The following XYLT1 variants were observed in gnomAD, a reference collection of about 807,000 sequenced individuals.
XYLT1 encodes the protein beta-D-xylosyltransferase 1.
XYLT1 carries 36 observed loss-of-function variants against 91.3 expected under a neutral mutation model. That is an observed-to-expected ratio of 0.39 (90% CI 0.30 to 0.52). The LOEUF (loss-of-function observed/expected upper bound fraction) is 0.52, where lower values mean the gene tolerates loss of function less well. Among genes scored for constraint, XYLT1 ranks in the 20% least tolerant of loss-of-function variants. XYLT1 has a pLI of 0.68. For missense variants in XYLT1, 1,242 were observed against 1,284.5 expected (o/e 0.97, Z 0.51); for synonymous variants, 588 against 532.0 (o/e 1.11, Z -1.45).
At chr16:17,228,557 G>A (rs1349479262) in intron 3 of XYLT1, among the ~76,000 whole-genome samples, 1 of 152,166 alleles carries the variant, frequency 6.6e-6, no homozygotes, top group East Asian at 1.9e-4. Flanking sequence ...AGGGGACTTA[G>A]AAGCTCCATG....
chr16:17,171,635 G>C (rs1250966632), intron 5 of XYLT1, among the ~76,000 whole-genome samples: 5 of 152,184 alleles, frequency 3.3e-5, no homozygotes, highest in Non-Finnish European at 7.3e-5. Context: ...GAAGTAACTT[G>C]ACAGTTCCTA....
At chr16:17,192,804 C>T (rs1295831634) in intron 5 of XYLT1, 1 of 134,056 alleles carries the variant, frequency 7.5e-6, no homozygotes, top group Admixed American at 8.1e-5. Flanking sequence ...TTGCTTTTCC[C>T]ACCCTTTTTT....
At chr16:17,166,677 A>ATTTT (rs34758469) in intron 5 of XYLT1, among the ~76,000 whole-genome samples, 2 of 144,104 alleles carry the variant, frequency 1.4e-5, no homozygotes, top group East Asian at 4.2e-4. Context: ...ATGTCCAGCT[A>ATTTT]TTTTTTTTTT....
At chr16:17,272,784 G>T (rs1452300094) in intron 2 of XYLT1, among the ~76,000 whole-genome samples, 1 of 152,214 alleles carries the variant, frequency 6.6e-6, no homozygotes, top group Non-Finnish European at 1.5e-5. Context: ...TGCACGCGGT[G>T]ACACTGCTTC....
intron 1 of XYLT1, among the ~76,000 whole-genome samples, chr16:17,359,883 T>C (rs569490325): frequency 6.6e-6 from 1 of 151,972 alleles, no homozygotes; most frequent in African/African-American, 2.4e-5. Flanking sequence ...GCAGAAAGAG[T>C]CTACTCTGTA....
At chr16:17,109,045 A>G in intron 11 of XYLT1, 28 bp from the exon 12 acceptor site, 1 of 1,490,150 alleles carries the variant, frequency 6.7e-7, no homozygotes. Context: ...CAATTTCAGG[A>G]TCAGAAGAGC....
At chr16:17,461,241 G>C (rs1463645534) in intron 1 of XYLT1, among the ~76,000 whole-genome samples, 2 of 152,164 alleles carry the variant, frequency 1.3e-5, no homozygotes, top group African/African-American at 2.4e-5. Flanking sequence ...GGGCTCCCAG[G>C]GCTCTGAATC....
chr16:17,138,591 G>GGTGGGAAA, intron 7 of XYLT1, 60 bp from the exon 8 acceptor site: 1 of 1,572,064 alleles, frequency 6.4e-7, no homozygotes, highest in Non-Finnish European at 8.7e-7. Context: ...GATGAACTGG[G>GGTGGGAAA]GTGGGAAATG....
At chr16:17,296,985 A>C (rs2034321689) in intron 2 of XYLT1, among the ~76,000 whole-genome samples, 1 of 152,236 alleles carries the variant, frequency 6.6e-6, no homozygotes, top group African/African-American at 2.4e-5. Context: ...AGAAGAGTGG[A>C]AATGAATGGA....
intron 5 of XYLT1, among the ~76,000 whole-genome samples, chr16:17,188,378 G>A (rs982598278): frequency 3.3e-5 from 5 of 152,108 alleles, no homozygotes; most frequent in African/African-American, 7.2e-5. Flanking sequence ...GGCTTGCCTC[G>A]ACCTACCTCA....
In XYLT1 at chr16:17,155,027, T is replaced by C. The variant is rs564007865; in HGVS notation, c.1370+3802A>G. Among the ~76,000 whole-genome samples the C allele has an allele frequency of 3.3e-5, 5 of 152,332 alleles. No homozygotes were observed. In the South Asian group the frequency reaches 1.0e-3, roughly 32 times the overall value. On this transcript the variant is annotated intron_variant, in intron 6 of 11. Coordinates refer to ENST00000261381, the MANE Select transcript of XYLT1 (RefSeq NM_022166.4). The stretch of plus-strand genomic sequence containing the variant: ...GGAAGGGAATTTGGAGACTTTCTCA[T>C]GCAACCCCCTTGTTTTTCAAAGGGA...
chr16:17,349,721 C>T (rs886480715), intron 2 of XYLT1, among the ~76,000 whole-genome samples: 4 of 150,984 alleles, frequency 2.6e-5, no homozygotes, highest in African/African-American at 9.8e-5. Context: ...ATGAGCAAAT[C>T]CATGTAAAGA....
intron 1 of XYLT1, among the ~76,000 whole-genome samples, chr16:17,364,544 C>A (rs2035424569): frequency 6.6e-6 from 1 of 152,206 alleles, no homozygotes; most frequent in Admixed American, 6.5e-5. Flanking sequence ...CCCTACTAAA[C>A]CACAAGTCTT....
intron 1 of XYLT1, among the ~76,000 whole-genome samples, chr16:17,373,489 T>A (rs1221770095): frequency 6.6e-6 from 1 of 152,250 alleles, no homozygotes; most frequent in Non-Finnish European, 1.5e-5. Context: ...TACCGTGTAG[T>A]ACACGTGTTT....
chr16:17,429,071 C>T (rs536295720), intron 1 of XYLT1, among the ~76,000 whole-genome samples: 18 of 152,262 alleles, frequency 1.2e-4, no homozygotes, highest in Middle Eastern at 3.4e-3. Context: ...AAGAAGCACC[C>T]GTCTTTGAAA....
At chr16:17,274,953 A>T (rs1490667408) in intron 2 of XYLT1, among the ~76,000 whole-genome samples, 2 of 152,060 alleles carry the variant, frequency 1.3e-5, no homozygotes, top group Non-Finnish European at 2.9e-5. Flanking sequence ...GAGGCGTGGG[A>T]ATTACTTAAG....
At chr16:17,437,707 C>T (rs1646247357) in intron 1 of XYLT1, among the ~76,000 whole-genome samples, 1 of 152,066 alleles carries the variant, frequency 6.6e-6, no homozygotes, top group Non-Finnish European at 1.5e-5. Flanking sequence ...ATACCTCTCC[C>T]CATGCACCAA....
At chr16:17,156,105 A>G (rs956369642) in intron 6 of XYLT1, among the ~76,000 whole-genome samples, 7 of 152,222 alleles carry the variant, frequency 4.6e-5, no homozygotes, top group African/African-American at 1.7e-4. Flanking sequence ...ATATTTTCAA[A>G]TATTATGAAA....
chr16:17,446,320 A>G (rs751570140), intron 1 of XYLT1: 3 of 152,236 alleles, frequency 2.0e-5, no homozygotes, highest in Non-Finnish European at 4.4e-5. Flanking sequence ...TCACAGATAT[A>G]TAGATGTATT....
Sources: gnomAD v4.1 joint callset for allele counts (sites outside exome capture counted in the v4.1 genomes callset) on GRCh38, gnomAD v4.1.1 for gene constraint, MANE v1.5 for transcripts, NCBI Gene and HGNC (gene_info 2026-07-23, HGNC 2026-07-21) for gene names.